Variants in PRRT1B observed in about 807,000 individuals in gnomAD.
PRRT1B encodes proline rich transmembrane protein 1B.
rs1258236165 is a variant in PRRT1B at position 131,554,750 on chromosome 9, G to T, written c.219G>T (p.Pro73=). The stretch of plus-strand genomic sequence containing the variant: ...CCGCGGGGGGCAGCGAGCCCGCCCC[G>T]GAGGACGCCCCGGCCCAGGCGGCGG... Residue 73 remains proline (P), a synonymous_variant, in exon 2 of 4, where the codon CCG becomes CCT. Transcript: ENST00000636672. The T allele has an allele frequency of 3.4e-5, 11 of 323,164 alleles. No homozygotes were observed. In the East Asian group the frequency reaches 5.4e-4, roughly 16 times the overall value. 20.0% of individuals were successfully genotyped at this position (323,164 alleles called of 1,614,324 possible). A position where few individuals can be genotyped will look rare whatever the true frequency, so the allele number is the denominator to read the frequency against.
intron 3 of PRRT1B, among the ~76,000 whole-genome samples, chr9:131,557,502 C>T (rs2132013943): frequency 6.6e-6 from 1 of 152,304 alleles, no homozygotes. Context: ...CGCACCACTG[C>T]ACTCTAGCCT....
intron 1 of PRRT1B, among the ~76,000 whole-genome samples, chr9:131,550,120 T>C (rs1269345524): frequency 6.6e-6 from 1 of 152,228 alleles, no homozygotes; most frequent in East Asian, 1.9e-4. Context: ...TGCTACAGCA[T>C]GGGCTTCTAA....
intron 1 of PRRT1B, among the ~76,000 whole-genome samples, chr9:131,546,312 G>A (rs894858358): frequency 6.6e-6 from 1 of 152,164 alleles, no homozygotes; most frequent in Admixed American, 6.5e-5. Flanking sequence ...AGGTGGGGTG[G>A]GGGCAGAGCT....
At chr9:131,559,410 C>T (rs1436121735), downstream of PRRT1B, among the ~76,000 whole-genome samples, 1 of 152,246 alleles carries the variant, frequency 6.6e-6, no homozygotes, top group Non-Finnish European at 1.5e-5. Context: ...CACTGCACTC[C>T]AGCCTGGGTG....
downstream of PRRT1B, among the ~76,000 whole-genome samples, chr9:131,559,434 C>G (rs1487342206): frequency 2.0e-5 from 3 of 152,222 alleles, no homozygotes; most frequent in Middle Eastern, 3.2e-3. Flanking sequence ...GAGTGAGACT[C>G]TGCCTCAAAA....
In PRRT1B at chr9:131,551,734, T is replaced by G. The variant is rs1951013677; in HGVS notation, c.26-2823T>G. ...TCAAAAGCTCCCCCACTGAGCACCT[T>G]GTGACCCCCACTCCTGCCCACCAGA... On this transcript the variant is annotated intron_variant, in intron 1 of 3. Coordinates refer to ENST00000636672, the Ensembl canonical transcript of PRRT1B. The surrounding 1 kb of genome is among the most constrained non-coding windows in gnomAD (Gnocchi z 4.4). Among the ~76,000 whole-genome samples, 1 of 152,090 alleles carries G rather than the reference T, an allele frequency of 6.6e-6. No individual in the cohort carries two copies.
Position 131,554,820 on chromosome 9 carries a change from C to T in PRRT1B, c.289C>T (p.His97Tyr), listed in dbSNP as rs569118911. ...CAAGGCGGCGGCCGGCGGCGCCCCC[C>T]ACATCGGCTTCGTTGGGGAGCCCCC... The change falls in exon 2 of 4, where the codon CAC (histidine) becomes TAC (tyrosine). Residue 97 changes from histidine to tyrosine, a missense_variant. Coordinates refer to ENST00000636672, the Ensembl canonical transcript of PRRT1B. 1.9e-5 allele frequency: 7 copies of T among 363,418 alleles called. No homozygotes were observed. The East Asian group carries it at 2.4e-4, about 13-fold the overall frequency. The allele number at this position is 363,418 out of a possible 1,614,324, so 22.5% of individuals were successfully genotyped here. A position where few individuals can be genotyped will look rare whatever the true frequency, so the allele number is the denominator to read the frequency against.
At chr9:131,556,847 G>C (rs920316927) in intron 3 of PRRT1B, among the ~76,000 whole-genome samples, 1 of 151,834 alleles carries the variant, frequency 6.6e-6, no homozygotes, top group African/African-American at 2.4e-5. Context: ...TGGCCAGGCT[G>C]GTCTTGAACT....
intron 1 of PRRT1B, among the ~76,000 whole-genome samples, chr9:131,550,933 CTTTTTCTTTT>C (rs1212384988): frequency 8.6e-6 from 1 of 116,856 alleles, no homozygotes; most frequent in Non-Finnish European, 1.7e-5. Flanking sequence ...TTTTTCTTTT[CTTTTTCTTTT>C]TTTTTTTTTT....
downstream of PRRT1B, among the ~76,000 whole-genome samples, chr9:131,558,791 T>A (rs1951066952): frequency 6.6e-6 from 1 of 152,204 alleles, no homozygotes; most frequent in Admixed American, 6.5e-5. Flanking sequence ...CCACTCTGTC[T>A]GGTCAATCAA....
intron 1 of PRRT1B, among the ~76,000 whole-genome samples, chr9:131,554,210 C>T (rs1381830426): frequency 2.6e-5 from 4 of 152,238 alleles, no homozygotes; most frequent in Non-Finnish European, 4.4e-5. Flanking sequence ...TCAGGGGCTT[C>T]CCTGGGCGGA....
At chr9:131,559,217 G>A (rs1951069657), downstream of PRRT1B, among the ~76,000 whole-genome samples, 1 of 7,612 alleles carries the variant, frequency 1.3e-4, no homozygotes, top group Non-Finnish European at 2.3e-4. Flanking sequence ...GCCGAGGTGG[G>A]TGGATCACCT....
At position 131,551,812 on chromosome 9, in the gene PRRT1B, C is replaced by CA. The variant is rs1025915390; in HGVS notation, c.26-2745_26-2744insA. 6.1e-4 allele frequency among the ~76,000 whole-genome samples: 70 copies of CA among 114,842 alleles called. No individual in the cohort carries two copies. Among genetic ancestry groups the CA allele is most frequent in the African/African-American group, 2.3e-3 (68 of 29,694 alleles). 75.3% of individuals were successfully genotyped at this position (114,842 alleles called of 152,430 possible). A position where few individuals can be genotyped will look rare whatever the true frequency, so the allele number is the denominator to read the frequency against. Reference sequence around the variant, plus strand: ...CTTTACCTACGCAAATCCTATAAGACGGCCCACCCCATCTCCCTTCGCTGA... The same window carrying CA: ...CTTTACCTACGCAAATCCTATAAGACAGGCCCACCCCATCTCCCTTCGCTGA... On this transcript the variant is annotated intron_variant, in intron 1 of 3. Coordinates refer to ENST00000636672, the Ensembl canonical transcript of PRRT1B. The surrounding 1 kb of genome is among the most constrained non-coding windows in gnomAD (Gnocchi z 4.4).
At chr9:131,553,012 C>A (rs750023855) in intron 1 of PRRT1B, among the ~76,000 whole-genome samples, 1 of 152,088 alleles carries the variant, frequency 6.6e-6, no homozygotes, top group South Asian at 2.1e-4. Context: ...CTCCACTCCG[C>A]AACCTCCCTG....
At position 131,546,160 on chromosome 9, in the gene PRRT1B, C is replaced by A. The variant is rs1438711508; in HGVS notation, c.25+520C>A. ...CTGGCAGCTCAGCTCACCGCCCCGG[C>A]CAGGCTGAAGTCCTTGCAGCAGGGG... On this transcript the variant is annotated intron_variant, in intron 1 of 3. Transcript: ENST00000636672. Among the ~76,000 whole-genome samples the A allele has an allele frequency of 6.6e-5, 10 of 152,236 alleles. No individual in the cohort carries two copies. In the East Asian group the frequency reaches 1.4e-3, roughly 21 times the overall value.
exon 1 of PRRT1B, chr9:131,545,528 T>G: frequency 2.5e-6 from 1 of 394,420 alleles, no homozygotes; most frequent in Non-Finnish European, 4.5e-6. Flanking sequence ...CCAGGAAACC[T>G]GAGCCCGCGG....
exon 2 of PRRT1B, chr9:131,554,571 G>C: frequency 2.5e-6 from 1 of 395,920 alleles, no homozygotes; most frequent in East Asian, 3.6e-5. Flanking sequence ...CGACACGAAA[G>C]GGGGCGGCAG....
chr9:131,559,751 C>T (rs997833102), downstream of PRRT1B, among the ~76,000 whole-genome samples: 5 of 152,002 alleles, frequency 3.3e-5, no homozygotes, highest in African/African-American at 9.7e-5. Flanking sequence ...GGTACTCAAA[C>T]CAATAGCAAA....
chr9:131,557,623 G>A (rs1050296803), intron 3 of PRRT1B, among the ~76,000 whole-genome samples: 1 of 152,216 alleles, frequency 6.6e-6, no homozygotes, highest in Non-Finnish European at 1.5e-5. Context: ...TGACTCTGCT[G>A]TTCAAGCCCC....
Sources: gnomAD v4.1 joint callset for allele counts (sites outside exome capture counted in the v4.1 genomes callset) on GRCh38, gnomAD v4.1.1 for gene constraint, Gnocchi (gnomAD v3.1) non-coding constraint, MANE v1.5 for transcripts, NCBI Gene and HGNC (gene_info 2026-07-23, HGNC 2026-07-21) for gene names.